The following PRR16 variants were observed in gnomAD, a reference collection of about 807,000 sequenced individuals.
PRR16 encodes proline rich 16.
Under a neutral mutation model 18.2 loss-of-function variants are expected in PRR16, and 6 were observed. That is an observed-to-expected ratio of 0.33 (90% confidence interval 0.18 to 0.65). The LOEUF is 0.65. PRR16 is among the 30% of genes least tolerant of loss of function. The pLI is 0.74. For synonymous variants in PRR16, 151 were observed against 147.8 expected, an observed-to-expected ratio of 1.02 and a Z score of -0.16; for missense variants, 412 against 376.6, an observed-to-expected ratio of 1.09 and a Z score of -0.78.
At chr5:120,717,948 G>A in the PRR16 span, among the ~76,000 whole-genome samples, 1 of 152,094 alleles carries the variant, frequency 6.6e-6, no homozygotes, top group Non-Finnish European at 1.5e-5. Flanking sequence ...ATGTAAAGTA[G>A]CAGCAATTTA....
In PRR16 at chr5:120,685,943, C is replaced by T; in HGVS notation, c.160-11C>T. On this transcript the variant is annotated splice_polypyrimidine_tract_variant and intron_variant, in intron 1 of 1. Transcript: ENST00000407149. Reference sequence around the variant, plus strand: ...CATTCTTCAAAACAATTACCTTGTCCTTTCCACTAGGTGGTTGACCAGATT... The same window carrying T: ...CATTCTTCAAAACAATTACCTTGTCTTTTCCACTAGGTGGTTGACCAGATT... 1 of 1,605,874 alleles carries T rather than the reference C, an allele frequency of 6.2e-7. No homozygotes were observed. The highest frequency in any genetic ancestry group is 8.5e-7 in the Non-Finnish European group (1 of 1,175,328).
intron 1 of PRR16, among the ~76,000 whole-genome samples, chr5:120,472,778 G>T (rs1749311027): frequency 6.6e-6 from 1 of 152,242 alleles, no homozygotes; most frequent in South Asian, 2.1e-4. Flanking sequence ...TGTGATGTCA[G>T]TGTGAAAATA....
At chr5:120,497,197 A>G (rs967624316) in intron 1 of PRR16, among the ~76,000 whole-genome samples, 1 of 152,056 alleles carries the variant, frequency 6.6e-6, no homozygotes, top group African/African-American at 2.4e-5. Context: ...GGAGTGTTGC[A>G]CAGATATTGA....
At chr5:120,770,950 T>TCTCTCTCTCTCA in the PRR16 span, among the ~76,000 whole-genome samples, 7 of 148,966 alleles carry the variant, frequency 4.7e-5, no homozygotes, top group Admixed American at 2.0e-4. Flanking sequence ...TCTCTCTCTC[T>TCTCTCTCTCTCA]CACACACACA....
At chr5:120,574,021 A>G (rs147866012) in intron 1 of PRR16, among the ~76,000 whole-genome samples, 1,994 of 152,180 alleles carry the variant, frequency 0.013, 18 homozygotes, top group Non-Finnish European at 0.023. Context: ...TATATTCATG[A>G]TTTTGTAGTA....
At chr5:120,787,507 T>C in the PRR16 span, among the ~76,000 whole-genome samples, 2 of 152,178 alleles carry the variant, frequency 1.3e-5, no homozygotes, top group African/African-American at 4.8e-5. Flanking sequence ...TTTTAACTTA[T>C]GGCCACTGAG....
In PRR16 at chr5:120,526,932, T is replaced by C. The variant is rs796654612; in HGVS notation, c.159+62287T>C. ...GTATACAATATATTGTTGTTGACTA[T>C]AGTGGCAATATTGTACAGCAGATCT... On this transcript the variant is annotated intron_variant, in intron 1 of 1. Transcript: ENST00000407149. 2.3e-4 allele frequency among the ~76,000 whole-genome samples: 35 copies of C among 152,282 alleles called. 1 individual carries two copies. Among genetic ancestry groups the C allele is most frequent in the African/African-American group, 8.4e-4 (35 of 41,566 alleles).
intron 1 of PRR16, among the ~76,000 whole-genome samples, chr5:120,562,911 A>G (rs1387258043): frequency 6.6e-6 from 1 of 152,258 alleles, no homozygotes; most frequent in East Asian, 1.9e-4. Context: ...AGTAGGTTGT[A>G]TATTCTAATT....
At chr5:120,555,139 A>G (rs1226469662) in intron 1 of PRR16, among the ~76,000 whole-genome samples, 1 of 151,972 alleles carries the variant, frequency 6.6e-6, no homozygotes, top group African/African-American at 2.4e-5. Flanking sequence ...CAAATTCAGC[A>G]TTCACAAGGC....
At chr5:120,532,823 C>T (rs904625697) in intron 1 of PRR16, among the ~76,000 whole-genome samples, 29 of 151,866 alleles carry the variant, frequency 1.9e-4, no homozygotes, top group African/African-American at 6.3e-4. Context: ...AAGCAAAAAC[C>T]TATCCCAAAA....
At chr5:120,751,224 T>C in the PRR16 span, among the ~76,000 whole-genome samples, 14 of 152,180 alleles carry the variant, frequency 9.2e-5, no homozygotes. Flanking sequence ...ATTTTGGCTA[T>C]TGTGAAGAGT....
intron 1 of PRR16, among the ~76,000 whole-genome samples, chr5:120,628,170 G>A (rs548616467): frequency 6.6e-6 from 1 of 152,104 alleles, no homozygotes; most frequent in South Asian, 2.1e-4. Flanking sequence ...ATTTGCAGTT[G>A]TTTTGTTTCA....
the PRR16 span, among the ~76,000 whole-genome samples, chr5:120,738,085 A>G: frequency 6.6e-6 from 1 of 152,008 alleles, no homozygotes; most frequent in Non-Finnish European, 1.5e-5. Flanking sequence ...TAGGTATTAG[A>G]GTAGTATAAA....
intron 1 of PRR16, among the ~76,000 whole-genome samples, chr5:120,599,979 C>G (rs1000530577): frequency 2.6e-5 from 4 of 151,878 alleles, no homozygotes; most frequent in African/African-American, 9.7e-5. Flanking sequence ...GACTCAAATC[C>G]TCTGTATAGT....
At chr5:120,702,249 TCGGGGCACGGAAA>T in the PRR16 span, among the ~76,000 whole-genome samples, 2 of 66,342 alleles carry the variant, frequency 3.0e-5, no homozygotes, top group East Asian at 2.3e-4. Flanking sequence ...AAATAAGGGG[TCGGGGCACGGAAA>T]TAAGGGGTCG....
At chr5:120,713,492 T>A in the PRR16 span, among the ~76,000 whole-genome samples, 1 of 152,168 alleles carries the variant, frequency 6.6e-6, no homozygotes, top group East Asian at 1.9e-4. Context: ...GTTCTCCATT[T>A]TAAAAAATAG....
At chr5:120,750,309 A>G in the PRR16 span, among the ~76,000 whole-genome samples, 2 of 152,248 alleles carry the variant, frequency 1.3e-5, no homozygotes, top group East Asian at 3.9e-4. Context: ...ATAAGATTCA[A>G]GTCAACCAAT....
chr5:120,502,960 G>A (rs1750514479), intron 1 of PRR16, among the ~76,000 whole-genome samples: 1 of 151,982 alleles, frequency 6.6e-6, no homozygotes, highest in African/African-American at 2.4e-5. Flanking sequence ...GCAAACCTAG[G>A]ACCTATTCTT....
the PRR16 span, among the ~76,000 whole-genome samples, chr5:120,789,641 T>C: frequency 6.6e-6 from 1 of 152,242 alleles, no homozygotes. Flanking sequence ...GAGAACTTAT[T>C]ATACTTAATG....
Sources: allele counts gnomAD v4.1 joint callset (sites outside exome capture counted in the v4.1 genomes callset), GRCh38; gene constraint gnomAD v4.1.1; transcripts MANE v1.5; gene names NCBI Gene and HGNC (gene_info 2026-07-23, HGNC 2026-07-21).